Variants in GPAM observed in about 807,000 individuals in gnomAD.
The protein encoded by GPAM is glycerol-3-phosphate acyltransferase 1, mitochondrial.
A neutral mutation model predicts 105.0 loss-of-function variants in GPAM; 56 were observed. The ratio of observed to expected loss-of-function variants is 0.53; its 90% confidence interval spans 0.43 to 0.67. The LOEUF is 0.67. Ranked by LOEUF, GPAM falls within the 30% of genes least tolerant of loss-of-function variation. GPAM has a pLI of 0.00. For synonymous variants in GPAM, 368 were observed against 354.4 expected, an observed-to-expected ratio of 1.04 and a Z score of -0.43; for missense variants, 855 against 989.8, an observed-to-expected ratio of 0.86 and a Z score of 1.83.
At chr10:112,226,509 C>A in the GPAM span, among the ~76,000 whole-genome samples, 1 of 152,112 alleles carries the variant, frequency 6.6e-6, no homozygotes, top group African/African-American at 2.4e-5. Context: ...TCAGACCCAA[C>A]ACCAGGCCAT....
At chr10:112,167,920 A>G (rs1847246458) in intron 11 of GPAM, among the ~76,000 whole-genome samples, 1 of 152,216 alleles carries the variant, frequency 6.6e-6, no homozygotes, top group African/African-American at 2.4e-5. Flanking sequence ...TTTTGCCAAC[A>G]TGACCCCACA....
intron 1 of GPAM, among the ~76,000 whole-genome samples, chr10:112,211,357 T>C (rs1847909014): frequency 6.6e-6 from 1 of 152,202 alleles, no homozygotes; most frequent in African/African-American, 2.4e-5. Flanking sequence ...GGTGGCCAAC[T>C]CAGTCTTAGG....
the GPAM span, among the ~76,000 whole-genome samples, chr10:112,221,311 T>C: frequency 6.6e-6 from 1 of 152,188 alleles, no homozygotes; most frequent in Non-Finnish European, 1.5e-5. Context: ...TGACCAAATA[T>C]TCTAAGTAGA....
At chr10:112,227,010 T>C in the GPAM span, among the ~76,000 whole-genome samples, 2 of 152,186 alleles carry the variant, frequency 1.3e-5, no homozygotes, top group Non-Finnish European at 2.9e-5. Flanking sequence ...TTTTACATTA[T>C]GTCAGACACG....
Position 112,152,272 on chromosome 10 carries a change from T to C in GPAM, c.*1278A>G. 7.1e-6 allele frequency: 7 copies of C among 981,320 alleles called. No individual in the cohort carries two copies. The highest frequency in any genetic ancestry group is 7.3e-6 in the Non-Finnish European group (6 of 826,188). 60.8% of individuals were successfully genotyped at this position (981,320 alleles called of 1,614,324 possible). A position where few individuals can be genotyped will look rare whatever the true frequency, so the allele number is the denominator to read the frequency against. ...TTACATGATATTTAAAAAATCACCA[T>C]AATTACCATAATAAACCAATAATTA... On this transcript the variant is annotated 3_prime_UTR_variant, in exon 22 of 22. Coordinates refer to ENST00000348367, the MANE Select transcript of GPAM (RefSeq NM_001244949.2).
At chr10:112,201,413 A>C (rs1161222285) in intron 1 of GPAM, among the ~76,000 whole-genome samples, 1 of 152,148 alleles carries the variant, frequency 6.6e-6, no homozygotes, top group Non-Finnish European at 1.5e-5. Context: ...CTTTTCAGGA[A>C]CTACAAGCTC....
At chr10:112,158,756 T>A (rs1847065149) in intron 17 of GPAM, among the ~76,000 whole-genome samples, 2 of 152,196 alleles carry the variant, frequency 1.3e-5, no homozygotes, top group Admixed American at 1.3e-4. Flanking sequence ...TCTGCAATAG[T>A]TATCTTATAA....
chr10:112,226,447 G>A, the GPAM span, among the ~76,000 whole-genome samples: 1 of 152,142 alleles, frequency 6.6e-6, no homozygotes, highest in African/African-American at 2.4e-5. Flanking sequence ...ACATGGGCAA[G>A]GATCACTAGG....
intron 9 of GPAM, among the ~76,000 whole-genome samples, chr10:112,170,461 A>C (rs1209943588): frequency 6.6e-6 from 1 of 152,236 alleles, no homozygotes; most frequent in African/African-American, 2.4e-5. Context: ...AAGTTGGATT[A>C]CAAAAAATTA....
chr10:112,150,784 T>C lies in GPAM; in HGVS notation c.*2766A>G, dbSNP rs1216305222. On this transcript the variant is annotated 3_prime_UTR_variant, in exon 22 of 22. Transcript: ENST00000348367. Reference sequence around the variant, plus strand: ...CAACACCATTTCTATAAAACACTGATGAACATCTCACAGAGCACTCATATT... The same window carrying C: ...CAACACCATTTCTATAAAACACTGACGAACATCTCACAGAGCACTCATATT... 1.0e-5 allele frequency: 10 copies of C among 985,262 alleles called. No individual in the cohort carries two copies. Among genetic ancestry groups the C allele is most frequent in the African/African-American group, 3.5e-5 (2 of 57,248 alleles). 61.0% of individuals were successfully genotyped at this position (985,262 alleles called of 1,614,324 possible).
intron 1 of GPAM, among the ~76,000 whole-genome samples, chr10:112,200,137 C>G (rs1245727833): frequency 7.3e-6 from 1 of 137,204 alleles, no homozygotes; most frequent in Non-Finnish European, 1.5e-5. Context: ...TAAGTGGAGA[C>G]AGGAACACAT....
At chr10:112,210,806 G>A (rs766538814) in intron 1 of GPAM, among the ~76,000 whole-genome samples, 17 of 152,212 alleles carry the variant, frequency 1.1e-4, no homozygotes, top group South Asian at 6.2e-4. Context: ...ACTAATAAGA[G>A]CTCACAATAG....
chr10:112,207,242 A>G lies in GPAM; in HGVS notation n.210+7926T>C, dbSNP rs892070702. On this transcript the variant is annotated intron_variant and non_coding_transcript_variant, in intron 1 of 3. Coordinates refer to the GPAM transcript ENST00000480130. ...TCCTATGATGTACGGGACAGTCCCCACACGAAAAGACTTATCTGATATATA... is the reference window on the plus strand; with the variant it reads ...TCCTATGATGTACGGGACAGTCCCCGCACGAAAAGACTTATCTGATATATA... 9.9e-5 allele frequency among the ~76,000 whole-genome samples: 15 copies of G among 152,230 alleles called. 1 individual carries two copies. The highest frequency in any genetic ancestry group is 9.8e-4 in the Admixed American group (15 of 15,284).
At chr10:112,176,682 T>C (rs7089231) in intron 5 of GPAM, among the ~76,000 whole-genome samples, 83,989 of 151,996 alleles carry the variant, frequency 0.55, 23,456 homozygotes, top group South Asian at 0.63. Context: ...TTCAGAAATA[T>C]TATTGGTATG....
intron 1 of GPAM, among the ~76,000 whole-genome samples, chr10:112,206,766 A>C (rs1468861643): frequency 6.6e-6 from 1 of 151,436 alleles, no homozygotes; most frequent in African/African-American, 2.4e-5. Context: ...ACATGTATAC[A>C]TATGTAACTA....
chr10:112,166,428 C>A lies in GPAM; in HGVS notation c.1195G>T (p.Asp399Tyr), dbSNP rs749700625. ...LRKNYGCVRV[D>Y]FAQPFSLKEY... Reference sequence around the variant, plus strand: ...TTTAAGGAAAATGGCTGTGCAAAATCCACTCGGACACAACCATAGTTTTTT... The same window carrying A: ...TTTAAGGAAAATGGCTGTGCAAAATACACTCGGACACAACCATAGTTTTTT... The change falls in exon 12 of 22, where the codon GAT becomes TAT. Residue 399 changes from aspartate to tyrosine, a missense_variant. Physicochemically the swap from Asp to Tyr is radical, Grantham distance 160 (BLOSUM62 -3). Transcript: ENST00000348367. 6.2e-7 allele frequency: 1 copy of A among 1,601,978 alleles called. No individual in the cohort carries two copies. Among genetic ancestry groups the A allele is most frequent in the Non-Finnish European group, 8.6e-7 (1 of 1,168,930 alleles).
chr10:112,207,787 C>G (rs7913457), intron 1 of GPAM, among the ~76,000 whole-genome samples: 25,235 of 152,122 alleles, frequency 0.17, 2,704 homozygotes, highest in African/African-American at 0.29. Context: ...CAAGATATAT[C>G]TTTGACCTCA....
chr10:112,152,829 G>T lies in GPAM; in HGVS notation c.*721C>A. The T allele has an allele frequency of 2.6e-6, 1 of 377,522 alleles. No homozygotes were observed. Among genetic ancestry groups the T allele is most frequent in the Non-Finnish European group, 3.6e-6 (1 of 274,504 alleles). The allele number at this position is 377,522 out of a possible 1,614,324, so 23.4% of individuals were successfully genotyped here. ...CCTTCAACACCAGTTTTCTGGCCAA[G>T]TTTCCCTAGAATTTTGCCAGCCAAA... On this transcript the variant is annotated 3_prime_UTR_variant, in exon 22 of 22. Transcript: ENST00000348367.
At chr10:112,223,218 C>G in the GPAM span, among the ~76,000 whole-genome samples, 3 of 152,140 alleles carry the variant, frequency 2.0e-5, no homozygotes, top group Admixed American at 2.0e-4. Flanking sequence ...GCTCCATTTC[C>G]TTTCACCCTT....
Sources: allele counts gnomAD v4.1 joint callset (sites outside exome capture counted in the v4.1 genomes callset), GRCh38; gene constraint gnomAD v4.1.1; transcripts MANE v1.5; gene names NCBI Gene and HGNC (gene_info 2026-07-23, HGNC 2026-07-21).